The following ITGAM variants were observed in gnomAD, a reference collection of about 807,000 sequenced individuals.
ITGAM encodes integrin subunit alpha M, also known as integrin alpha-M.
In ITGAM, 79 loss-of-function variants were observed where a neutral mutation model predicts 137.5. The ratio of observed to expected loss-of-function variants is 0.57; its 90% CI spans 0.48 to 0.69. The LOEUF (loss-of-function observed/expected upper bound fraction) is 0.69, where lower values mean the gene tolerates loss of function less well. Ranked by LOEUF, ITGAM falls within the 30% of genes least tolerant of loss-of-function variation. The pLI is 0.00. For missense variants in ITGAM, 1,343 were observed against 1,483.5 expected (o/e 0.91, Z 1.56); for synonymous variants, 583 against 592.3 (o/e 0.98, Z 0.23).
At chr16:31,326,720 A>T in intron 21 of ITGAM, 136 bp from the exon 22 acceptor site, 1 of 692,278 alleles carries the variant, frequency 1.4e-6, no homozygotes, top group South Asian at 1.7e-5. Context: ...CCTGGCCTTC[A>T]TTGCTTTTTA....
chr16:31,297,961 C>A lies in ITGAM; in HGVS notation c.1707+7C>A, dbSNP rs758066261. On this transcript the variant is annotated splice_region_variant and intron_variant, in intron 14 of 29. Coordinates refer to ENST00000544665, the MANE Select transcript of ITGAM (RefSeq NM_000632.4). ...CAGCCCCTCCCATAGCCAGGTGAGA[C>A]CTGGTCACTGTCCTTGTCATGACAG... 11 of 1,608,840 alleles carry A rather than the reference C, an allele frequency of 6.8e-6. No homozygotes were observed. In the South Asian group the frequency reaches 1.1e-4, roughly 16 times the overall value.
chr16:31,267,755 A>T (rs962796944), intron 5 of ITGAM, among the ~76,000 whole-genome samples: 1 of 151,852 alleles, frequency 6.6e-6, no homozygotes, highest in Admixed American at 6.6e-5. Flanking sequence ...TGTGCTCAAG[A>T]AATTCTTGTG....
At chr16:31,304,011 C>T (rs2080241483) in intron 14 of ITGAM, among the ~76,000 whole-genome samples, 1 of 152,122 alleles carries the variant, frequency 6.6e-6, no homozygotes, top group Non-Finnish European at 1.5e-5. Flanking sequence ...AATGGTAGAT[C>T]TACTATTAGT....
At chr16:31,277,918 G>A in intron 11 of ITGAM, 49 bp from the exon 12 acceptor site, 1 of 1,542,058 alleles carries the variant, frequency 6.5e-7, no homozygotes, top group Non-Finnish European at 8.8e-7. Context: ...TCTGCATGGT[G>A]GAGGAGGGGG....
rs760325384 is a variant in ITGAM at position 31,330,430 on chromosome 16, G to A, written c.3174+9G>A. ...TTGACTGGTACATCAAGGTGTGTGG[G>A]GTCCTGAGGCTTCGCCGGGCACAGG... On this transcript the variant is annotated intron_variant, in intron 27 of 29. Coordinates refer to ENST00000544665, the MANE Select transcript of ITGAM (RefSeq NM_000632.4). The A allele has an allele frequency of 1.2e-5, 20 of 1,612,152 alleles. No individual in the cohort carries two copies. In the South Asian group the frequency reaches 2.1e-4, roughly 17 times the overall value.
At chr16:31,325,068 G>A (rs1261011995) in intron 19 of ITGAM, 37 bp downstream of exon 19, 1 of 1,546,034 alleles carries the variant, frequency 6.5e-7, no homozygotes, top group African/African-American at 2.0e-5. Flanking sequence ...TCCAGAGAAG[G>A]ACCCGTACCA....
intron 7 of ITGAM, 51 bp downstream of exon 7, chr16:31,272,043 C>G (rs1320748067): frequency 6.2e-7 from 1 of 1,609,566 alleles, no homozygotes; most frequent in African/African-American, 1.3e-5. Flanking sequence ...ACACTTTTAG[C>G]TGGGCTTTGA....
At chr16:31,261,819 C>G in intron 2 of ITGAM, 22 bp downstream of exon 2, 2 of 1,509,378 alleles carry the variant, frequency 1.3e-6, no homozygotes, top group Non-Finnish European at 1.8e-6. Context: ...AGATGGAGCC[C>G]CCTTTCTCAG....
intron 12 of ITGAM, among the ~76,000 whole-genome samples, chr16:31,296,251 C>G (rs902184476): frequency 1.9e-4 from 29 of 149,616 alleles, no homozygotes; most frequent in Admixed American, 8.1e-4. Context: ...ACTATAGGCG[C>G]CCGCCACCAT....
chr16:31,280,847 T>A (rs1167881669), intron 12 of ITGAM, among the ~76,000 whole-genome samples: 1 of 152,188 alleles, frequency 6.6e-6, no homozygotes, highest in Non-Finnish European at 1.5e-5. Context: ...TGATATTGGC[T>A]GCGGGTTTGT....
chr16:31,273,482 G>A lies in ITGAM; in HGVS notation c.822G>A (p.Glu274=), dbSNP rs750027364. 6.2e-7 allele frequency: 1 copy of A among 1,613,778 alleles called. No homozygotes were observed. Among genetic ancestry groups the A allele is most frequent in the South Asian group, 1.1e-5 (1 of 91,068 alleles). The change falls in exon 8 of 30, where the codon GAG becomes GAA. Residue 274 remains glutamate (E), a synonymous_variant. Coordinates refer to ENST00000544665, the MANE Select transcript of ITGAM (RefSeq NM_000632.4). The stretch of plus-strand genomic sequence containing the variant: ...TGGGATATGAGGATGTCATCCCTGA[G>A]GCAGACAGAGAGGGAGTCATTCGCT... ...DPLGYEDVIP[E]ADREGVIRYV... is the part of the protein sequence containing the mutation.
intron 12 of ITGAM, among the ~76,000 whole-genome samples, chr16:31,284,946 C>T (rs1208058724): frequency 6.6e-6 from 1 of 152,032 alleles, no homozygotes; most frequent in Admixed American, 6.6e-5. Flanking sequence ...AAGCTGCATA[C>T]AAAACCCCTC....
chr16:31,273,056 T>A (rs190201576), intron 7 of ITGAM, among the ~76,000 whole-genome samples: 244 of 152,106 alleles, frequency 1.6e-3, no homozygotes, highest in Non-Finnish European at 2.8e-3. Flanking sequence ...GTCAGCACTT[T>A]AGGAGGCCGA....
intron 14 of ITGAM, among the ~76,000 whole-genome samples, chr16:31,309,011 G>A (rs1408046772): frequency 6.0e-5 from 7 of 116,166 alleles, no homozygotes; most frequent in East Asian, 2.2e-4. Context: ...ACTGTGGTCC[G>A]AGAGACAGTT....
chr16:31,270,937 C>G lies in ITGAM; in HGVS notation c.428-17C>G, dbSNP rs1319542977. 4 of 1,463,796 alleles carry G rather than the reference C, an allele frequency of 2.7e-6. No individual in the cohort carries two copies. In the African/African-American group the frequency reaches 5.7e-5, roughly 21 times the overall value. 90.7% of individuals were successfully genotyped at this position (1,463,796 alleles called of 1,614,324 possible). The stretch of plus-strand genomic sequence containing the variant: ...AGTGTCAAATTACTTGATTCATACT[C>G]TTTTCCCCTTCCCCAGGGTGTCCTC... On this transcript the variant is annotated splice_polypyrimidine_tract_variant and intron_variant, in intron 5 of 29. Transcript: ENST00000544665.
rs769878845 is a variant in ITGAM, at chr16:31,321,614, T to C, written c.1989T>C (p.Asp663=). 3.1e-6 allele frequency: 5 copies of C among 1,613,536 alleles called. No homozygotes were observed. The African/African-American group carries it at 5.3e-5, about 17-fold the overall frequency. The change falls in exon 16 of 30, where the codon GAT becomes GAC. Residue 663 remains aspartate (D), a synonymous_variant. Transcript: ENST00000544665. ...VCLHVQKSTR[D]RLREGQIQSV... ...TCCATGTCCAGAAGAGCACACGGGA[T>C]CGGCTAAGAGAAGGTGAGGCTTGGT...
At chr16:31,304,742 A>G (rs537705315) in intron 14 of ITGAM, among the ~76,000 whole-genome samples, 1 of 152,092 alleles carries the variant, frequency 6.6e-6, no homozygotes, top group African/African-American at 2.4e-5. Flanking sequence ...ATGTTTTTGT[A>G]TGCTTTGTAA....
chr16:31,264,038 A>T (rs974006426), intron 2 of ITGAM, among the ~76,000 whole-genome samples: 1 of 151,600 alleles, frequency 6.6e-6, no homozygotes, highest in Non-Finnish European at 1.5e-5. Flanking sequence ...GGGTTTCACC[A>T]TGTTAGCCAG....
At position 31,326,015 on chromosome 16, in the gene ITGAM, A is replaced by G. The variant is rs554281775; in HGVS notation, c.2628+393A>G. Among the ~76,000 whole-genome samples the G allele has an allele frequency of 2.7e-4, 41 of 152,138 alleles. 1 individual carries two copies. Among genetic ancestry groups the G allele is most frequent in the Admixed American group, 5.2e-4 (8 of 15,280 alleles). On this transcript the variant is annotated intron_variant, in intron 21 of 29. Transcript: ENST00000544665. ...TGGGAGGTTGAGGCTGCAGTGAGCTATGATCACACCACTGCACTCTAGCCT... is the reference window on the plus strand; with the variant it reads ...TGGGAGGTTGAGGCTGCAGTGAGCTGTGATCACACCACTGCACTCTAGCCT...
Sources: gnomAD v4.1 joint callset for allele counts (sites outside exome capture counted in the v4.1 genomes callset) on GRCh38, gnomAD v4.1.1 for gene constraint, MANE v1.5 for transcripts, NCBI Gene and HGNC (gene_info 2026-07-23, HGNC 2026-07-21) for gene names.